Variants in FILIP1 observed in about 807,000 individuals in gnomAD.
FILIP1 encodes filamin A interacting protein 1, also known as filamin-A-interacting protein 1.
In FILIP1, 61 loss-of-function variants were observed where a neutral mutation model predicts 102.1. The ratio of observed to expected loss-of-function variants is 0.60; its 90% CI spans 0.49 to 0.74. FILIP1 has a LOEUF of 0.74. FILIP1 is among the 30% of genes least tolerant of loss of function. The pLI, the probability that FILIP1 is intolerant of heterozygous loss-of-function variation, is 0.00. For missense variants in FILIP1, 1,314 were observed against 1,441.2 expected, an observed-to-expected ratio of 0.91 and a Z score of 1.43; for synonymous variants, 491 against 526.9, an observed-to-expected ratio of 0.93 and a Z score of 0.93.
At chr6:75,369,616 C>G (rs952283235) in intron 2 of FILIP1, among the ~76,000 whole-genome samples, 2 of 152,064 alleles carry the variant, frequency 1.3e-5, no homozygotes, top group African/African-American at 2.4e-5. Context: ...GGAAAGAATA[C>G]TTAGTTCTTA....
intron 1 of FILIP1, among the ~76,000 whole-genome samples, chr6:75,454,503 G>A (rs1271101653): frequency 6.6e-6 from 1 of 152,196 alleles, no homozygotes; most frequent in East Asian, 1.9e-4. Flanking sequence ...CTTTTGCCAT[G>A]TAGCATTCAC....
chr6:75,313,856 T>C lies in FILIP1; in HGVS notation c.1976A>G (p.Glu659Gly), dbSNP rs763966569. 4 of 1,614,036 alleles carry C rather than the reference T, an allele frequency of 2.5e-6. No homozygotes were observed. Among genetic ancestry groups the C allele is most frequent in the South Asian group, 1.1e-5 (1 of 91,078 alleles). The part of the protein sequence containing the change: ...VEGDLMKTED[E>G]YDQLEQKFRT... ...AAATTTCTGTTCCAGCTGATCATACTCATCTTCTGTCTTCATCAAATCCCC... is the reference window on the plus strand; with the variant it reads ...AAATTTCTGTTCCAGCTGATCATACCCATCTTCTGTCTTCATCAAATCCCC... The change falls in exon 5 of 6, where the codon GAG (glutamate) becomes GGG (glycine). Residue 659 changes from glutamate to glycine, a missense_variant. Coordinates refer to ENST00000237172, the MANE Select transcript of FILIP1 (RefSeq NM_015687.5). This position sits in a 1 kb window ranked among gnomAD's most constrained non-coding sequence, Gnocchi z 4.2.
intron 1 of FILIP1, among the ~76,000 whole-genome samples, chr6:75,458,441 G>A (rs1249757015): frequency 6.6e-6 from 1 of 152,176 alleles, no homozygotes; most frequent in African/African-American, 2.4e-5. Flanking sequence ...CTTGCTCTAA[G>A]CCTCACAGCT....
At chr6:75,452,254 C>T (rs1012907228) in intron 1 of FILIP1, among the ~76,000 whole-genome samples, 21 of 151,946 alleles carry the variant, frequency 1.4e-4, no homozygotes, top group Non-Finnish European at 2.8e-4. Context: ...GCTATCCCTC[C>T]CCCTTGCCCC....
chr6:75,437,110 A>C (rs1778052470), intron 1 of FILIP1, among the ~76,000 whole-genome samples: 1 of 152,212 alleles, frequency 6.6e-6, no homozygotes, highest in Admixed American at 6.5e-5. Flanking sequence ...AAATATTATG[A>C]AGACAGAACT....
At chr6:75,335,238 A>G (rs982971115) in intron 4 of FILIP1, among the ~76,000 whole-genome samples, 6 of 152,162 alleles carry the variant, frequency 3.9e-5, no homozygotes, top group Non-Finnish European at 4.4e-5. Context: ...GTATGGCTAC[A>G]GAATGCCAAG....
intron 1 of FILIP1, among the ~76,000 whole-genome samples, chr6:75,415,739 C>T (rs1305479633): frequency 2.0e-5 from 3 of 151,896 alleles, no homozygotes; most frequent in Admixed American, 1.3e-4. Context: ...GAATCAATTT[C>T]AAAATCAAAA....
downstream of FILIP1, among the ~76,000 whole-genome samples, chr6:75,305,477 T>C (rs16886450): frequency 1.0e-2 from 1,521 of 152,264 alleles, 24 homozygotes; most frequent in Middle Eastern, 0.031. Flanking sequence ...CCTTAACGAA[T>C]ACCCTAAAAT....
At chr6:75,356,710 C>A (rs1775014962) in intron 3 of FILIP1, among the ~76,000 whole-genome samples, 1 of 152,090 alleles carries the variant, frequency 6.6e-6, no homozygotes. Context: ...CTCAGGTGAT[C>A]CACTCACCTC....
chr6:75,394,027 A>T (rs1291968507), intron 2 of FILIP1, among the ~76,000 whole-genome samples: 1 of 152,168 alleles, frequency 6.6e-6, no homozygotes, highest in Non-Finnish European at 1.5e-5. Context: ...TTCCTCCTCT[A>T]TAGTCCTATG....
chr6:75,396,795 A>G (rs1776475294), intron 2 of FILIP1, among the ~76,000 whole-genome samples: 1 of 152,122 alleles, frequency 6.6e-6, no homozygotes, highest in Non-Finnish European at 1.5e-5. Flanking sequence ...TCAACTCTTC[A>G]GTGACCCTAT....
intron 1 of FILIP1, among the ~76,000 whole-genome samples, chr6:75,423,399 G>A (rs59278020): frequency 0.01 from 1,594 of 152,022 alleles, 25 homozygotes; most frequent in African/African-American, 0.037. Flanking sequence ...GATTTTATAC[G>A]ACAATCGGTG....
chr6:75,485,823 C>G (rs1279703531), intron 1 of FILIP1, among the ~76,000 whole-genome samples: 4 of 152,082 alleles, frequency 2.6e-5, no homozygotes, highest in Non-Finnish European at 5.9e-5. Flanking sequence ...TAAACTACAG[C>G]AAGCTCTCTG....
chr6:75,384,899 A>T (rs1776032178), intron 2 of FILIP1: 1 of 148,050 alleles, frequency 6.8e-6, no homozygotes, highest in Admixed American at 6.9e-5. Context: ...GGCTCAATTG[A>T]TCCCCGCGCC....
intron 2 of FILIP1, among the ~76,000 whole-genome samples, chr6:75,397,572 ACACACACG>A (rs1469884043): frequency 8.1e-5 from 6 of 73,836 alleles, no homozygotes; most frequent in Non-Finnish European, 1.5e-4. Context: ...ACACACACAC[ACACACACG>A]TATACATATA....
At chr6:75,364,344 G>A (rs1376281710) in intron 2 of FILIP1, among the ~76,000 whole-genome samples, 4 of 152,080 alleles carry the variant, frequency 2.6e-5, no homozygotes, top group Admixed American at 2.6e-4. Flanking sequence ...TCAGAAAAAC[G>A]TGCCCACTTT....
intron 1 of FILIP1, among the ~76,000 whole-genome samples, chr6:75,450,837 C>A (rs1778606693): frequency 6.6e-6 from 1 of 151,944 alleles, no homozygotes; most frequent in African/African-American, 2.4e-5. Context: ...TGCCAGTAAT[C>A]CCAGCTACTC....
At chr6:75,402,807 C>G (rs73459765) in intron 2 of FILIP1, among the ~76,000 whole-genome samples, 1,590 of 152,200 alleles carry the variant, frequency 0.01, 33 homozygotes, top group African/African-American at 0.037. Context: ...ATGACCATTA[C>G]TGTTAATTCA....
At chr6:75,478,979 C>A (rs902656555) in intron 1 of FILIP1, among the ~76,000 whole-genome samples, 47 of 152,188 alleles carry the variant, frequency 3.1e-4, no homozygotes, top group Middle Eastern at 3.4e-3. Context: ...ATAAATGTGT[C>A]AATTTTGGCT....
Sources: allele counts gnomAD v4.1 joint callset (sites outside exome capture counted in the v4.1 genomes callset), GRCh38; gene constraint gnomAD v4.1.1; non-coding constraint Gnocchi (gnomAD v3.1); transcripts MANE v1.5; gene names NCBI Gene and HGNC (gene_info 2026-07-23, HGNC 2026-07-21).